The following ZMYND8 variants were observed in gnomAD, a reference collection of about 807,000 sequenced individuals.
ZMYND8 encodes the protein MYND-type zinc finger-containing chromatin reader ZMYND8.
ZMYND8 carries 37 observed loss-of-function variants against 140.8 expected under a neutral mutation model. The observed-to-expected ratio is 0.26, with a 90% CI of 0.20 to 0.35. The LOEUF (loss-of-function observed/expected upper bound fraction) is 0.35. Ranked by LOEUF, ZMYND8 falls within the 10% of genes least tolerant of loss-of-function variation. The pLI is 1.00. For missense variants in ZMYND8, 1,068 were observed against 1,570.0 expected, an observed-to-expected ratio of 0.68 and a Z score of 5.40; for synonymous variants, 592 against 597.1, an observed-to-expected ratio of 0.99 and a Z score of 0.12.
intron 21 of ZMYND8, among the ~76,000 whole-genome samples, chr20:47,218,955 G>A (rs929299321): frequency 1.3e-5 from 2 of 151,724 alleles, no homozygotes; most frequent in Non-Finnish European, 1.5e-5. Flanking sequence ...AGTGGCTCAC[G>A]CCTGTAATCC....
At chr20:47,220,963 T>C (rs903240315) in intron 20 of ZMYND8, among the ~76,000 whole-genome samples, 1 of 152,042 alleles carries the variant, frequency 6.6e-6, no homozygotes, top group Non-Finnish European at 1.5e-5. Flanking sequence ...AACTGTAAAA[T>C]CAGGTCCTCG....
At chr20:47,287,334 C>A (rs1437473185) in intron 7 of ZMYND8, 50 bp from the exon 8 acceptor site, 1 of 1,490,582 alleles carries the variant, frequency 6.7e-7, no homozygotes, top group Non-Finnish European at 9.4e-7. Flanking sequence ...ACCGCAACAC[C>A]GGGCCTGGGG....
intron 2 of ZMYND8, among the ~76,000 whole-genome samples, chr20:47,312,121 A>G (rs1366434235): frequency 6.6e-6 from 1 of 152,148 alleles, no homozygotes; most frequent in Non-Finnish European, 1.5e-5. Context: ...GAAGATGTCA[A>G]TTACCAAAGA....
chr20:47,249,244 A>G, intron 13 of ZMYND8, 43 bp downstream of exon 13: 2 of 1,594,956 alleles, frequency 1.3e-6, no homozygotes, highest in Non-Finnish European at 1.7e-6. Flanking sequence ...AGTAATGATA[A>G]CAATGATACT....
rs538956712 is a variant in ZMYND8, at chr20:47,335,002, T to G, written c.85+12854A>C. On this transcript the variant is annotated intron_variant, in intron 2 of 22. Coordinates refer to ENST00000471951, the MANE Select transcript of ZMYND8 (RefSeq NM_001281775.3). ...GGCTCACACCAGCAATCCCAGCACT[T>G]TGGGAGGCCAAGACAGGAGGATCGC... Among the ~76,000 whole-genome samples, 11 of 152,052 alleles carry G rather than the reference T, an allele frequency of 7.2e-5. No homozygotes were observed. The East Asian group carries it at 1.9e-3, about 27-fold the overall frequency.
intron 6 of ZMYND8, 133 bp downstream of exon 6, chr20:47,291,663 G>T: frequency 1.9e-6 from 1 of 522,368 alleles, no homozygotes; most frequent in Non-Finnish European, 3.1e-6. Context: ...TCCAAATAAA[G>T]GAGCAATGAA....
In ZMYND8 at chr20:47,238,936, C is replaced by A. The variant is rs747422979; in HGVS notation, c.2487G>T (p.Glu829Asp). The A allele has an allele frequency of 1.8e-5, 29 of 1,613,954 alleles. No homozygotes were observed. Among genetic ancestry groups the A allele is most frequent in the Non-Finnish European group, 2.4e-5 (28 of 1,179,930 alleles). ...VKKQRPLLPK[E>D]TAPAVQRVVW... ...CGACCCGCTGCACGGCCGGGGCAGT[C>A]TCCTTCGGTAAAAGCGGCCTCTGCT... The change falls in exon 15 of 23, where the codon GAG (glutamate) becomes GAT (aspartate). Residue 829 changes from glutamate (E) to aspartate (D), a missense_variant. Physicochemically the swap from Glu to Asp is conservative, Grantham distance 45 (BLOSUM62 2). Transcript: ENST00000471951.
chr20:47,340,419 T>C (rs1398895472), intron 2 of ZMYND8, among the ~76,000 whole-genome samples: 1 of 151,394 alleles, frequency 6.6e-6, no homozygotes, highest in Admixed American at 6.6e-5. Flanking sequence ...TTAGAGGCTA[T>C]AGTGTACTAT....
At chr20:47,315,239 G>A (rs183093206) in intron 2 of ZMYND8, among the ~76,000 whole-genome samples, 1 of 152,214 alleles carries the variant, frequency 6.6e-6, no homozygotes. Context: ...AGGGGGAGGT[G>A]GGTCCTAGCC....
intron 16 of ZMYND8, among the ~76,000 whole-genome samples, chr20:47,232,033 C>T (rs1161276111): frequency 1.3e-5 from 2 of 152,228 alleles, no homozygotes; most frequent in Non-Finnish European, 2.9e-5. Flanking sequence ...CAAAAAATGT[C>T]ACTGTGTTCA....
At chr20:47,222,182 G>A (rs545315797) in intron 19 of ZMYND8, among the ~76,000 whole-genome samples, 10 of 152,322 alleles carry the variant, frequency 6.6e-5, no homozygotes, top group African/African-American at 1.4e-4. Context: ...CGTGAAAGGC[G>A]ACATGCTATC....
At chr20:47,307,983 C>T (rs112605049) in intron 3 of ZMYND8, among the ~76,000 whole-genome samples, 23 of 150,058 alleles carry the variant, frequency 1.5e-4, no homozygotes, top group Admixed American at 5.3e-4. Flanking sequence ...CTGGGCACAG[C>T]GGCGGGCGCC....
chr20:47,317,212 C>T (rs932509723), intron 2 of ZMYND8, among the ~76,000 whole-genome samples: 26 of 152,178 alleles, frequency 1.7e-4, no homozygotes, highest in Admixed American at 2.0e-4. Flanking sequence ...GGTGGAAAGT[C>T]GTGTCATTCA....
chr20:47,241,689 C>T (rs1011675186), intron 14 of ZMYND8, among the ~76,000 whole-genome samples: 6 of 152,090 alleles, frequency 3.9e-5, no homozygotes, highest in Non-Finnish European at 5.9e-5. Context: ...GTAAGGTGAG[C>T]CTATGCCCCA....
chr20:47,313,835 A>G (rs2079157255), intron 2 of ZMYND8, among the ~76,000 whole-genome samples: 1 of 151,978 alleles, frequency 6.6e-6, no homozygotes, highest in Non-Finnish European at 1.5e-5. Context: ...TGGGAGGCTG[A>G]GGCAGGAGAA....
intron 2 of ZMYND8, among the ~76,000 whole-genome samples, chr20:47,330,301 C>T (rs1447595387): frequency 6.6e-6 from 1 of 151,998 alleles, no homozygotes; most frequent in Non-Finnish European, 1.5e-5. Context: ...GATATCCTCC[C>T]ACCTCAGCCT....
At chr20:47,309,528 C>T (rs1016631100) in intron 3 of ZMYND8, among the ~76,000 whole-genome samples, 4 of 152,024 alleles carry the variant, frequency 2.6e-5, no homozygotes, top group Middle Eastern at 3.2e-3. Context: ...AGGATGGTCT[C>T]AATCTCTTGA....
intron 11 of ZMYND8, among the ~76,000 whole-genome samples, chr20:47,265,422 C>A (rs908716382): frequency 5.5e-5 from 8 of 144,998 alleles, no homozygotes; most frequent in African/African-American, 1.6e-4. Flanking sequence ...TCCTGCTCGA[C>A]AGGTCAAGTT....
chr20:47,228,375 G>A (rs1568921246), intron 17 of ZMYND8, among the ~76,000 whole-genome samples: 1 of 152,120 alleles, frequency 6.6e-6, no homozygotes, highest in Non-Finnish European at 1.5e-5. Context: ...ACATTTCATT[G>A]CAGAAATGGT....
Sources: allele counts gnomAD v4.1 joint callset (sites outside exome capture counted in the v4.1 genomes callset), GRCh38; gene constraint gnomAD v4.1.1; transcripts MANE v1.5; gene names NCBI Gene and HGNC (gene_info 2026-07-23, HGNC 2026-07-21).